The following NAT2 variants were observed in gnomAD, a reference collection of about 807,000 sequenced individuals.
NAT2 encodes N-acetyltransferase 2.
For synonymous variants in NAT2, 137 were observed against 125.9 expected, an observed-to-expected ratio of 1.09 and a Z score of -0.59; for missense variants, 428 against 339.1, an observed-to-expected ratio of 1.26 and a Z score of -2.06.
intron 1 of NAT2, among the ~76,000 whole-genome samples, chr8:18,393,933 A>C (rs910832740): frequency 1.3e-5 from 2 of 152,202 alleles, no homozygotes; most frequent in African/African-American, 2.4e-5. Flanking sequence ...AATTTTATGA[A>C]AGACATAGTT....
At chr8:18,398,512 A>G (rs748704531) in intron 1 of NAT2, among the ~76,000 whole-genome samples, 2 of 152,186 alleles carry the variant, frequency 1.3e-5, no homozygotes, top group Non-Finnish European at 2.9e-5. Flanking sequence ...ACTGAGAGAT[A>G]GGAGGCCAGG....
chr8:18,393,499 A>G (rs1208457359), intron 1 of NAT2, among the ~76,000 whole-genome samples: 1 of 152,170 alleles, frequency 6.6e-6, no homozygotes, highest in Non-Finnish European at 1.5e-5. Flanking sequence ...TACTATCTGG[A>G]GTAGTCTATA....
upstream of NAT2, among the ~76,000 whole-genome samples, chr8:18,390,901 A>G (rs1359028763): frequency 1.3e-5 from 2 of 152,178 alleles, no homozygotes; most frequent in Non-Finnish European, 2.9e-5. Context: ...AGTGTGCCAT[A>G]AACTGAGAGT....
upstream of NAT2, chr8:18,387,214 C>G (rs1351209070): frequency 1.3e-5 from 2 of 153,332 alleles, no homozygotes; most frequent in Non-Finnish European, 2.9e-5. Flanking sequence ...TTGGCGCCGC[C>G]GCTTCTTCTC....
chr8:18,388,429 G>A (rs77691717), upstream of NAT2, among the ~76,000 whole-genome samples: 781 of 148,212 alleles, frequency 5.3e-3, 3 homozygotes, highest in African/African-American at 0.019. Context: ...ATGAGAAGAT[G>A]GGAGGGATTA....
Position 18,400,531 on chromosome 8 carries a change from T to G in NAT2, c.528T>G (p.Leu176=). 1 of 1,612,916 alleles carries G rather than the reference T, an allele frequency of 6.2e-7. No individual in the cohort carries two copies. Among genetic ancestry groups the G allele is most frequent in the Non-Finnish European group, 8.5e-7 (1 of 1,179,678 alleles). ...AGTATATTACAAACAAAGAATTTCT[T>G]AATTCTCATCTCCTGCCAAAGAAGA... ...REQYITNKEF[L]NSHLLPKKKH... The change falls in exon 2 of 2, where the codon CTT becomes CTG. Residue 176 remains leucine (L), a synonymous_variant. Transcript: ENST00000286479.
At chr8:18,398,981 T>A (rs1201131541) in intron 1 of NAT2, among the ~76,000 whole-genome samples, 2 of 152,186 alleles carry the variant, frequency 1.3e-5, no homozygotes, top group Non-Finnish European at 2.9e-5. Flanking sequence ...CTTATAACCC[T>A]TCTCTCATCC....
In NAT2 at chr8:18,400,324, C is replaced by T. The variant is rs549917500; in HGVS notation, c.321C>T (p.His107=). Residue 107 remains histidine (H), a synonymous_variant, in exon 2 of 2, where the codon CAC becomes CAT. Coordinates refer to ENST00000286479, the MANE Select transcript of NAT2 (RefSeq NM_000015.3). ...PVNKYSTGMV[H]LLLQVTIDGR... ...ACAAATACAGCACTGGCATGGTTCA[C>T]CTTCTCCTGCAGGTGACCATTGACG... is the stretch of plus-strand genomic sequence containing the variant. 1 of 1,613,766 alleles carries T rather than the reference C, an allele frequency of 6.2e-7. No individual in the cohort carries two copies. Among genetic ancestry groups the T allele is most frequent in the Non-Finnish European group, 8.5e-7 (1 of 1,179,864 alleles).
chr8:18,388,710 A>T (rs1433128576), upstream of NAT2, among the ~76,000 whole-genome samples: 3 of 152,142 alleles, frequency 2.0e-5, no homozygotes, highest in Non-Finnish European at 4.4e-5. Flanking sequence ...ACTAACTCTA[A>T]TGCTTTTCTT....
At position 18,400,992 on chromosome 8, in the gene NAT2, C is replaced by G. The variant is rs1199426484; in HGVS notation, c.*116C>G. ...TTATTTTGAAGAAAATCCTAAACATCAAATACTTTCATCCATAAAAATGTC... is the reference window on the plus strand; with the variant it reads ...TTATTTTGAAGAAAATCCTAAACATGAAATACTTTCATCCATAAAAATGTC... On this transcript the variant is annotated 3_prime_UTR_variant, in exon 2 of 2. Transcript: ENST00000286479. The G allele has an allele frequency of 3.1e-6, 2 of 634,974 alleles. No homozygotes were observed. Among genetic ancestry groups the G allele is most frequent in the African/African-American group, 1.9e-5 (1 of 52,626 alleles). The allele number at this position is 634,974 out of a possible 1,614,324, so 39.3% of individuals were successfully genotyped here.
At chr8:18,397,454 T>C (rs917740479) in intron 1 of NAT2, among the ~76,000 whole-genome samples, 1 of 152,140 alleles carries the variant, frequency 6.6e-6, no homozygotes, top group African/African-American at 2.4e-5. Context: ...TGAAGTAAGA[T>C]GACTGGTAAT....
chr8:18,390,293 CAT>C (rs141940577), upstream of NAT2, among the ~76,000 whole-genome samples: 78 of 152,234 alleles, frequency 5.1e-4, no homozygotes, highest in Middle Eastern at 3.4e-3. Flanking sequence ...ACATCTCACT[CAT>C]ATGTGGAATC....
intron 1 of NAT2, among the ~76,000 whole-genome samples, chr8:18,399,519 C>A (rs191588335): frequency 1.3e-4 from 20 of 152,216 alleles, no homozygotes. Flanking sequence ...ATGAATTAAT[C>A]AATATATTTT....
At position 18,400,274 on chromosome 8, in the gene NAT2, G is replaced by A; in HGVS notation, c.271G>A (p.Gly91Arg). 6.2e-7 allele frequency: 1 copy of A among 1,613,550 alleles called. No homozygotes were observed. Among genetic ancestry groups the A allele is most frequent in the Non-Finnish European group, 8.5e-7 (1 of 1,179,750 alleles). ...TIGFQTTMLG[G>R]YFYIPPVNKY... Reference sequence around the variant, plus strand: ...CGGTTTTCAGACCACAATGTTAGGAGGGTATTTTTACATCCCTCCAGTTAA... The same window carrying A: ...CGGTTTTCAGACCACAATGTTAGGAAGGTATTTTTACATCCCTCCAGTTAA... The change falls in exon 2 of 2, where the codon GGG becomes AGG. Residue 91 changes from glycine (G) to arginine (R), a missense_variant. Physicochemically the swap from Gly to Arg is moderately radical, Grantham distance 125. Transcript: ENST00000286479.
At chr8:18,386,951 T>A (rs191600406), upstream of NAT2, among the ~76,000 whole-genome samples, 567 of 152,286 alleles carry the variant, frequency 3.7e-3, 3 homozygotes, top group African/African-American at 0.013. Context: ...GAAGCCGAGT[T>A]CCACGGAGGT....
rs77806551 is a variant in NAT2 at position 18,397,788 on chromosome 8, T to C, written c.-6-2210T>C. ...CAGAAGTTCAACTTCTGGTGTATCC[T>C]GCTGCTTTTAGCCTTTTCTTCATTT... On this transcript the variant is annotated intron_variant, in intron 1 of 1. Coordinates refer to ENST00000286479, the MANE Select transcript of NAT2 (RefSeq NM_000015.3). Among the ~76,000 whole-genome samples, 633 of 152,344 alleles carry C rather than the reference T, an allele frequency of 4.2e-3. 1 individual carries two copies. The highest frequency in any genetic ancestry group is 0.028 in the East Asian group (143 of 5,186).
At chr8:18,390,137 C>T (rs1800569760), upstream of NAT2, among the ~76,000 whole-genome samples, 2 of 152,082 alleles carry the variant, frequency 1.3e-5, no homozygotes, top group Non-Finnish European at 2.9e-5. Context: ...AGTGGTGGTC[C>T]CAGGTGCTTT....
Position 18,400,329 on chromosome 8 carries a change from T to A in NAT2, c.326T>A (p.Leu109His). ...TACAGCACTGGCATGGTTCACCTTCTCCTGCAGGTGACCATTGACGGCAGG... is the reference window on the plus strand; with the variant it reads ...TACAGCACTGGCATGGTTCACCTTCACCTGCAGGTGACCATTGACGGCAGG... ...NKYSTGMVHL[L>H]LQVTIDGRNY... The change falls in exon 2 of 2, where the codon CTC (leucine) becomes CAC (histidine). Residue 109 changes from leucine to histidine, a missense_variant. By Grantham distance (99) the Leu-to-His change is moderately conservative (BLOSUM62 -3). Coordinates refer to ENST00000286479, the MANE Select transcript of NAT2 (RefSeq NM_000015.3). The A allele has an allele frequency of 6.2e-7, 1 of 1,613,680 alleles. No homozygotes were observed. Among genetic ancestry groups the A allele is most frequent in the Non-Finnish European group, 8.5e-7 (1 of 1,179,794 alleles).
intron 1 of NAT2, among the ~76,000 whole-genome samples, chr8:18,392,595 T>G (rs1431804351): frequency 6.6e-6 from 1 of 152,224 alleles, no homozygotes; most frequent in Non-Finnish European, 1.5e-5. Context: ...CTCAGTCCAC[T>G]GATTCAAATG....
Sources: gnomAD v4.1 joint callset for allele counts (sites outside exome capture counted in the v4.1 genomes callset) on GRCh38, gnomAD v4.1.1 for gene constraint, MANE v1.5 for transcripts, NCBI Gene and HGNC (gene_info 2026-07-23, HGNC 2026-07-21) for gene names.